The following FNIP1 variants were observed in gnomAD, a reference collection of about 807,000 sequenced individuals.
FNIP1 encodes the protein folliculin-interacting protein 1.
FNIP1 carries 40 observed loss-of-function variants against 124.5 expected under a neutral mutation model. That is an observed-to-expected ratio of 0.32 (90% CI 0.25 to 0.42). FNIP1 has a LOEUF of 0.42. Ranked by LOEUF, FNIP1 falls within the 10% of genes least tolerant of loss-of-function variation. The pLI is 1.00. For missense variants in FNIP1, 1,176 were observed against 1,403.7 expected, an observed-to-expected ratio of 0.84 and a Z score of 2.59; for synonymous variants, 472 against 470.6, an observed-to-expected ratio of 1.00 and a Z score of -0.04.
intron 1 of FNIP1, among the ~76,000 whole-genome samples, chr5:131,768,862 C>T (rs534752835): frequency 1.3e-5 from 2 of 152,176 alleles, no homozygotes; most frequent in East Asian, 3.9e-4. Context: ...AAGGCCATTA[C>T]TAATTCAAAT....
chr5:131,647,487 G>A (rs1305384143), intron 16 of FNIP1, among the ~76,000 whole-genome samples: 1 of 140,828 alleles, frequency 7.1e-6, no homozygotes. Context: ...TTTGTTTTTT[G>A]TTTTTGAGAT....
intron 1 of FNIP1, among the ~76,000 whole-genome samples, chr5:131,790,102 A>G (rs1178733809): frequency 6.6e-6 from 1 of 152,188 alleles, no homozygotes; most frequent in Non-Finnish European, 1.5e-5. Context: ...CATTCTACAA[A>G]TATTTCCTCA....
chr5:131,760,141 C>A, intron 1 of FNIP1, among the ~76,000 whole-genome samples: 1 of 152,114 alleles, frequency 6.6e-6, no homozygotes, highest in Admixed American at 6.6e-5. Flanking sequence ...ACTATGCTCA[C>A]TACCTGGGTG....
chr5:131,782,904 C>G (rs1772042678), intron 1 of FNIP1, among the ~76,000 whole-genome samples: 2 of 152,250 alleles, frequency 1.3e-5, no homozygotes, highest in Admixed American at 1.3e-4. Context: ...CTCAAGTGAT[C>G]CGTCCGCCTC....
At chr5:131,764,658 A>C (rs954624876) in intron 1 of FNIP1, among the ~76,000 whole-genome samples, 1 of 152,154 alleles carries the variant, frequency 6.6e-6, no homozygotes, top group African/African-American at 2.4e-5. Context: ...ACAAAATACG[A>C]CTGAAAGATA....
At chr5:131,652,991 AAAGAAACAAG>A (rs1767084611) in intron 15 of FNIP1, among the ~76,000 whole-genome samples, 1 of 152,120 alleles carries the variant, frequency 6.6e-6, no homozygotes, top group Admixed American at 6.6e-5. Context: ...CAACAACAAC[AAAGAAACAAG>A]ACTTATTCAC....
chr5:131,679,098 T>C lies in FNIP1; in HGVS notation c.1280A>G (p.Glu427Gly), dbSNP rs1767996314. 6.2e-7 allele frequency: 1 copy of C among 1,611,380 alleles called. No individual in the cohort carries two copies. ...VWLTMMSGTP[E>G]KNHLCYRFMK... ...GAAACGATAGCAAAGGTGGTTCTTT[T>C]CTGGAGTCCCCGACATCATTGTAAG... The change falls in exon 12 of 18, where the codon GAA becomes GGA. Residue 427 changes from glutamate to glycine, a missense_variant. Physicochemically the swap from Glu to Gly is moderately conservative, Grantham distance 98 (BLOSUM62 -2). Around this residue, in one of 2 missense-constraint regions of FNIP1, gnomAD observed 1,109 missense variants for 1,288.5 expected, o/e 0.86. Coordinates refer to ENST00000510461, the MANE Select transcript of FNIP1 (RefSeq NM_133372.3).
intron 11 of FNIP1, among the ~76,000 whole-genome samples, chr5:131,695,262 T>C (rs527964032): frequency 6.6e-6 from 1 of 152,338 alleles, no homozygotes; most frequent in South Asian, 2.1e-4. Flanking sequence ...GTCTCTTCAT[T>C]GTGTGTGTGG....
intron 13 of FNIP1, among the ~76,000 whole-genome samples, chr5:131,675,710 A>G (rs1308823909): frequency 3.9e-5 from 6 of 152,160 alleles, no homozygotes; most frequent in Admixed American, 2.0e-4. Context: ...ATGGTGGAAG[A>G]GGAACAGAGA....
chr5:131,755,008 A>G (rs1647150838), intron 1 of FNIP1, among the ~76,000 whole-genome samples: 1 of 152,228 alleles, frequency 6.6e-6, no homozygotes, highest in South Asian at 2.1e-4. Flanking sequence ...AGGAGATACC[A>G]TTAACCAAGA....
chr5:131,784,932 C>T lies in FNIP1; in HGVS notation c.92+11898G>A, dbSNP rs553535275. Among the ~76,000 whole-genome samples, 324 of 146,218 alleles carry T rather than the reference C, an allele frequency of 2.2e-3. 1 individual carries two copies. Among genetic ancestry groups the T allele is most frequent in the African/African-American group, 4.4e-3 (177 of 39,930 alleles). ...TAAGATCAGGACTGGGTTTGAGGCA[C>T]GGTGGGACAGGGAACTACTATCATA... On this transcript the variant is annotated intron_variant, in intron 1 of 17. Transcript: ENST00000510461.
intron 10 of FNIP1, among the ~76,000 whole-genome samples, chr5:131,701,190 T>A (rs1212794807): frequency 2.0e-5 from 3 of 152,124 alleles, no homozygotes; most frequent in Non-Finnish European, 4.4e-5. Context: ...CTTATGAGAA[T>A]CTAATGCCTC....
intron 1 of FNIP1, among the ~76,000 whole-genome samples, chr5:131,791,751 TA>T (rs1345143235): frequency 6.6e-6 from 1 of 152,120 alleles, no homozygotes; most frequent in Non-Finnish European, 1.5e-5. Flanking sequence ...AAAACTACCA[TA>T]AAAAGACATA....
intron 15 of FNIP1, among the ~76,000 whole-genome samples, chr5:131,667,347 C>T (rs371180824): frequency 6.6e-6 from 1 of 152,152 alleles, no homozygotes. Context: ...GCAAACTAGC[C>T]TTTAAATATG....
chr5:131,648,177 A>T (rs868847251), intron 16 of FNIP1, among the ~76,000 whole-genome samples: 99 of 150,064 alleles, frequency 6.6e-4, no homozygotes, highest in Middle Eastern at 3.4e-3. Flanking sequence ...AAAAATTAAA[A>T]AAAAAAAAAA....
chr5:131,661,684 A>G (rs1325294187), intron 15 of FNIP1, among the ~76,000 whole-genome samples: 1 of 152,164 alleles, frequency 6.6e-6, no homozygotes, highest in Non-Finnish European at 1.5e-5. Context: ...GAAACACACA[A>G]AAGTAATTTT....
intron 17 of FNIP1, among the ~76,000 whole-genome samples, chr5:131,645,321 A>C (rs1053903760): frequency 1.3e-4 from 19 of 151,876 alleles, no homozygotes; most frequent in Non-Finnish European, 2.5e-4. Flanking sequence ...AAAAAAAAAA[A>C]AAACAAAGAA....
intron 3 of FNIP1, 110 bp from the exon 4 acceptor site, chr5:131,719,527 G>A: frequency 1.1e-6 from 1 of 950,224 alleles, no homozygotes; most frequent in South Asian, 1.7e-5. Flanking sequence ...ATTAAGAGTT[G>A]TACTTCTACA....
chr5:131,790,478 C>CAAAAAAAAAAAA (rs56699008), intron 1 of FNIP1, among the ~76,000 whole-genome samples: 2 of 70,558 alleles, frequency 2.8e-5, no homozygotes, highest in African/African-American at 8.9e-5. Context: ...GAACCTGTCT[C>CAAAAAAAAAAAA]AAAAAAAAAA....
Sources: gnomAD v4.1 joint callset for allele counts (sites outside exome capture counted in the v4.1 genomes callset) on GRCh38, gnomAD v4.1.1 for gene constraint, gnomAD v4.1.1 regional missense constraint, MANE v1.5 for transcripts, NCBI Gene and HGNC (gene_info 2026-07-23, HGNC 2026-07-21) for gene names.